Variants in SLC8A1 observed in about 807,000 individuals in gnomAD.
SLC8A1 encodes sodium/calcium exchanger 1.
In SLC8A1, 18 loss-of-function variants were observed where a neutral mutation model predicts 68.3. That is an observed-to-expected ratio of 0.26 (90% CI 0.18 to 0.39). The LOEUF is 0.39. Among genes scored for constraint, SLC8A1 ranks in the 10% least tolerant of loss-of-function variants. The pLI is 1.00. For missense variants in SLC8A1, 985 were observed against 1,156.7 expected (o/e 0.85, Z 2.15); for synonymous variants, 475 against 415.5 (o/e 1.14, Z -1.74).
intron 2 of SLC8A1, among the ~76,000 whole-genome samples, chr2:40,213,631 G>A (rs2056982409): frequency 6.6e-6 from 1 of 152,146 alleles, no homozygotes; most frequent in Admixed American, 6.5e-5. Flanking sequence ...AACCAGCCCA[G>A]CATCTGACAA....
chr2:40,470,153 T>C (rs1559753310), intron 1 of SLC8A1, among the ~76,000 whole-genome samples: 1 of 152,132 alleles, frequency 6.6e-6, no homozygotes, highest in African/African-American at 2.4e-5. Context: ...ATCCACATTT[T>C]AATGTATCTT....
intron 2 of SLC8A1, among the ~76,000 whole-genome samples, chr2:40,376,746 CA>C (rs1259602897): frequency 6.6e-6 from 1 of 152,048 alleles, no homozygotes; most frequent in Non-Finnish European, 1.5e-5. Context: ...CTAACTGCCT[CA>C]AAAGTATTGA....
intron 6 of SLC8A1, among the ~76,000 whole-genome samples, chr2:40,155,771 A>G (rs1474611405): frequency 6.6e-6 from 1 of 152,206 alleles, no homozygotes; most frequent in Non-Finnish European, 1.5e-5. Flanking sequence ...AAACTGAACT[A>G]GTATCCATAT....
At chr2:40,105,876 G>A (rs1572675603) in exon 8 of SLC8A1, 1 of 152,230 alleles carries the variant, frequency 6.6e-6, no homozygotes, top group Admixed American at 6.5e-5. Flanking sequence ...GACCACATCT[G>A]GTAATTCAGT....
At chr2:40,307,178 T>TACAC (rs145712934) in intron 2 of SLC8A1, among the ~76,000 whole-genome samples, 2 of 108,888 alleles carry the variant, frequency 1.8e-5, no homozygotes, top group African/African-American at 7.3e-5. Flanking sequence ...CACAAACACA[T>TACAC]ACACACACAC....
intron 2 of SLC8A1, among the ~76,000 whole-genome samples, chr2:40,300,794 T>C (rs2071318276): frequency 6.6e-6 from 1 of 152,168 alleles, no homozygotes; most frequent in Non-Finnish European, 1.5e-5. Context: ...GCAGTCATTT[T>C]GCTTTATAGG....
chr2:40,396,777 A>AAAAAAG (rs1320205950), intron 2 of SLC8A1, among the ~76,000 whole-genome samples: 1 of 146,998 alleles, frequency 6.8e-6, no homozygotes, highest in African/African-American at 2.5e-5. Flanking sequence ...AAAAAAAAAA[A>AAAAAAG]CAAGAGAAGT....
At chr2:40,447,370 GTT>G (rs976088837) in intron 1 of SLC8A1, among the ~76,000 whole-genome samples, 1 of 152,068 alleles carries the variant, frequency 6.6e-6, no homozygotes, top group African/African-American at 2.4e-5. Flanking sequence ...ATTTTGGAGA[GTT>G]TATCTTTGCC....
At chr2:40,387,085 A>G (rs1186055774) in intron 2 of SLC8A1, among the ~76,000 whole-genome samples, 2 of 151,522 alleles carry the variant, frequency 1.3e-5, no homozygotes, top group African/African-American at 4.9e-5. Context: ...TGAATGATTC[A>G]TTGGAAACAA....
chr2:40,200,188 ATATTTATATATAT>A (rs2053910113), intron 2 of SLC8A1, among the ~76,000 whole-genome samples: 2 of 10,156 alleles, frequency 2.0e-4, no homozygotes, highest in Admixed American at 1.8e-3. Flanking sequence ...ATATATATAT[ATATTTATATATAT>A]ATATAAATAT....
At chr2:40,256,207 A>T (rs2063892532) in intron 2 of SLC8A1, among the ~76,000 whole-genome samples, 1 of 152,210 alleles carries the variant, frequency 6.6e-6, no homozygotes, top group African/African-American at 2.4e-5. Context: ...TCCCACTCCT[A>T]ACCAAATGAC....
At chr2:40,322,342 A>C (rs2075297431) in intron 2 of SLC8A1, among the ~76,000 whole-genome samples, 1 of 151,896 alleles carries the variant, frequency 6.6e-6, no homozygotes, top group South Asian at 2.1e-4. Flanking sequence ...AAGGAAAAGG[A>C]CACCATAATT....
At chr2:40,480,185 G>GA (rs755158927) in intron 1 of SLC8A1, among the ~76,000 whole-genome samples, 11 of 152,096 alleles carry the variant, frequency 7.2e-5, no homozygotes, top group Non-Finnish European at 1.5e-4. Context: ...ATTGAAAGAG[G>GA]AAGGCAAAAG....
chr2:40,208,781 T>C (rs929397681), intron 2 of SLC8A1, among the ~76,000 whole-genome samples: 3 of 152,090 alleles, frequency 2.0e-5, no homozygotes, highest in African/African-American at 7.2e-5. Context: ...GGGCAATTAG[T>C]GTCCTTTTTT....
At chr2:40,309,077 G>A (rs912867204) in intron 2 of SLC8A1, among the ~76,000 whole-genome samples, 2 of 151,962 alleles carry the variant, frequency 1.3e-5, no homozygotes, top group Non-Finnish European at 2.9e-5. Flanking sequence ...GAAAAAAAAA[G>A]CTTCACCAGT....
At position 40,200,172 on chromosome 2, in the gene SLC8A1, T is replaced by TGAGA. The variant is rs145829449; in HGVS notation, c.1809-22318_1809-22317insTCTC. On this transcript the variant is annotated intron_variant, in intron 2 of 7. Transcript: ENST00000406785. ...CAGCACATAGAGGATTTCAAGTCAT[T>TGAGA]GATATATATATATATATATTTATAT... 2.1e-3 allele frequency among the ~76,000 whole-genome samples: 59 copies of TGAGA among 27,578 alleles called. 2 individuals are homozygous for TGAGA. Among genetic ancestry groups the TGAGA allele is most frequent in the African/African-American group, 5.4e-3 (57 of 10,558 alleles). 18.1% of individuals were successfully genotyped at this position (27,578 alleles called of 152,430 possible). A position where few individuals can be genotyped will look rare whatever the true frequency, so the allele number is the denominator to read the frequency against.
intron 2 of SLC8A1, among the ~76,000 whole-genome samples, chr2:40,193,409 T>C (rs552919292): frequency 6.6e-6 from 1 of 152,098 alleles, no homozygotes; most frequent in Non-Finnish European, 1.5e-5. Context: ...GGGATAGGCA[T>C]GTAAACCAAA....
intron 2 of SLC8A1, among the ~76,000 whole-genome samples, chr2:40,358,356 C>T (rs1447031809): frequency 2.0e-5 from 3 of 151,746 alleles, no homozygotes; most frequent in African/African-American, 7.3e-5. Flanking sequence ...CATCTGCAGC[C>T]CACATAGACA....
At chr2:40,118,990 A>G (rs527504317) in intron 7 of SLC8A1, among the ~76,000 whole-genome samples, 1 of 152,210 alleles carries the variant, frequency 6.6e-6, no homozygotes, top group East Asian at 1.9e-4. Flanking sequence ...AAGGAAAGGA[A>G]GTTTAAAATC....
Sources: gnomAD v4.1 joint callset for allele counts (sites outside exome capture counted in the v4.1 genomes callset) on GRCh38, gnomAD v4.1.1 for gene constraint, MANE v1.5 for transcripts, NCBI Gene and HGNC (gene_info 2026-07-23, HGNC 2026-07-21) for gene names.